Variants in STPG2 observed in about 807,000 individuals in gnomAD.
STPG2 encodes sperm-tail PG-rich repeat-containing protein 2.
A neutral mutation model predicts 54.2 loss-of-function variants in STPG2; 56 were observed. That is an observed-to-expected ratio of 1.03 (90% confidence interval 0.83 to 1.29). The LOEUF (loss-of-function observed/expected upper bound fraction) is 1.29, where lower values mean the gene tolerates loss of function less well. Ranked by LOEUF, STPG2 falls within the 50% of genes most tolerant of loss-of-function variation. The probability of loss-of-function intolerance (pLI) is 0.00; values close to 1 mark genes in which losing one functional copy is unlikely to be tolerated. For missense variants in STPG2, 596 were observed against 544.9 expected, an observed-to-expected ratio of 1.09 and a Z score of -0.93; for synonymous variants, 200 against 181.8, an observed-to-expected ratio of 1.10 and a Z score of -0.81.
At chr4:97,702,181 C>A (rs1314491577) in intron 10 of STPG2, among the ~76,000 whole-genome samples, 1 of 152,132 alleles carries the variant, frequency 6.6e-6, no homozygotes, top group Non-Finnish European at 1.5e-5. Flanking sequence ...TACAGTGGGC[C>A]ATCTTTTAAT....
intron 10 of STPG2, among the ~76,000 whole-genome samples, chr4:97,641,752 T>C (rs545679469): frequency 6.6e-6 from 1 of 151,558 alleles, no homozygotes; most frequent in South Asian, 2.1e-4. Flanking sequence ...AGGAAATTCA[T>C]TGATGTCTTT....
At chr4:97,771,188 TA>T (rs1726206110) in intron 9 of STPG2, among the ~76,000 whole-genome samples, 1 of 152,096 alleles carries the variant, frequency 6.6e-6, no homozygotes, top group East Asian at 1.9e-4. Flanking sequence ...AACAAGGTAA[TA>T]AAATAAGGCA....
rs1406042916 is a variant in STPG2, at chr4:97,953,706, T to C, written c.934-9699A>G. On this transcript the variant is annotated intron_variant, in intron 7 of 10. Coordinates refer to ENST00000295268, the MANE Select transcript of STPG2 (RefSeq NM_174952.3). Reference sequence around the variant, plus strand: ...GTTAAGGTGTTCCCCCATGGGCAGATTGCCAGGTTCCCCAGTTGGGGTGTG... The same window carrying C: ...GTTAAGGTGTTCCCCCATGGGCAGACTGCCAGGTTCCCCAGTTGGGGTGTG... Among the ~76,000 whole-genome samples, 11 of 152,324 alleles carry C rather than the reference T, an allele frequency of 7.2e-5. 1 individual carries two copies. In the South Asian group the frequency reaches 1.2e-3, roughly 17 times the overall value.
intron 6 of STPG2, among the ~76,000 whole-genome samples, chr4:97,978,590 T>G (rs1045222855): frequency 1.3e-5 from 2 of 152,078 alleles, no homozygotes; most frequent in Non-Finnish European, 2.9e-5. Context: ...TGAAACAGCC[T>G]GTACAAGAAA....
At chr4:98,070,673 T>C (rs1737975986) in intron 5 of STPG2, among the ~76,000 whole-genome samples, 1 of 152,046 alleles carries the variant, frequency 6.6e-6, no homozygotes, top group African/African-American at 2.4e-5. Flanking sequence ...AGTCTCAGGA[T>C]ACAAAATCAA....
At chr4:97,711,795 G>A (rs753297800) in intron 10 of STPG2, among the ~76,000 whole-genome samples, 7 of 149,554 alleles carry the variant, frequency 4.7e-5, no homozygotes, top group Non-Finnish European at 7.4e-5. Context: ...CCAGCCTCCC[G>A]AGTAGCTGGG....
chr4:97,447,870 A>G (rs992694643), intron 4 of STPG2, among the ~76,000 whole-genome samples: 2 of 152,140 alleles, frequency 1.3e-5, no homozygotes, highest in African/African-American at 4.8e-5. Flanking sequence ...GTGAGAAGAA[A>G]GCCACCCTTA....
intron 5 of STPG2, among the ~76,000 whole-genome samples, chr4:98,027,857 A>G (rs948217581): frequency 1.3e-5 from 2 of 152,138 alleles, no homozygotes; most frequent in Non-Finnish European, 2.9e-5. Flanking sequence ...TTAGAATTCC[A>G]GAGTCTCAAT....
chr4:97,645,414 A>G (rs569094701), intron 10 of STPG2, among the ~76,000 whole-genome samples: 1 of 152,266 alleles, frequency 6.6e-6, no homozygotes, highest in Admixed American at 6.5e-5. Context: ...AGTTCATAAA[A>G]TAGTATCAAG....
intron 1 of STPG2, among the ~76,000 whole-genome samples, chr4:98,139,197 C>T (rs1229361517): frequency 6.6e-6 from 1 of 152,224 alleles, no homozygotes; most frequent in South Asian, 2.1e-4. Flanking sequence ...AGGAGAGATT[C>T]TCCCTGATCA....
chr4:97,842,369 T>C (rs1482508833), intron 8 of STPG2, among the ~76,000 whole-genome samples: 1 of 151,896 alleles, frequency 6.6e-6, no homozygotes, highest in African/African-American at 2.4e-5. Flanking sequence ...CATGGATTAT[T>C]TGTGTATCTT....
intron 5 of STPG2, among the ~76,000 whole-genome samples, chr4:98,069,908 G>T (rs1345882752): frequency 6.6e-6 from 1 of 151,954 alleles, no homozygotes; most frequent in Non-Finnish European, 1.5e-5. Context: ...CTGGAAGTAA[G>T]GATGGGCAGG....
chr4:97,770,961 C>T (rs1398280400), intron 9 of STPG2, among the ~76,000 whole-genome samples: 1 of 152,062 alleles, frequency 6.6e-6, no homozygotes, highest in Non-Finnish European at 1.5e-5. Flanking sequence ...GTTTAATAGG[C>T]ACTTAGATAT....
rs1227707214 is a variant in STPG2, at chr4:97,763,191, A to C, written c.1205-50377T>G. 3.9e-5 allele frequency among the ~76,000 whole-genome samples: 6 copies of C among 152,274 alleles called. No individual in the cohort carries two copies. In the East Asian group the frequency reaches 9.6e-4, roughly 24 times the overall value. On this transcript the variant is annotated intron_variant, in intron 9 of 10. Transcript: ENST00000295268. ...GCATAATACAGGAATATTTTTTGGA[A>C]TGGTCATGAGGATTAGCCATGATCA...
intron 2 of STPG2, among the ~76,000 whole-genome samples, chr4:98,132,901 G>A (rs1000689587): frequency 3.0e-5 from 4 of 132,818 alleles, no homozygotes; most frequent in African/African-American, 1.1e-4. Flanking sequence ...TAAAGCTGTA[G>A]AGCAAGAATA....
At chr4:97,590,342 G>A (rs1733105164) in intron 10 of STPG2, among the ~76,000 whole-genome samples, 1 of 151,804 alleles carries the variant, frequency 6.6e-6, no homozygotes, top group Non-Finnish European at 1.5e-5. Context: ...TCTGTGTCTC[G>A]GTCAGCAGCA....
intron 8 of STPG2, among the ~76,000 whole-genome samples, chr4:97,910,985 C>T (rs1316971298): frequency 1.3e-5 from 2 of 152,170 alleles, no homozygotes; most frequent in African/African-American, 4.8e-5. Context: ...ACGCAATCGG[C>T]GTGACCCATG....
intron 10 of STPG2, among the ~76,000 whole-genome samples, chr4:97,560,538 A>G (rs1290339467): frequency 6.6e-6 from 1 of 152,214 alleles, no homozygotes; most frequent in African/African-American, 2.4e-5. Context: ...CAATGAAAAC[A>G]TGTTCCTCTT....
intron 8 of STPG2, among the ~76,000 whole-genome samples, chr4:97,928,582 G>A (rs1055581746): frequency 7.2e-5 from 11 of 152,066 alleles, no homozygotes; most frequent in African/African-American, 2.7e-4. Flanking sequence ...TCCATTCTAA[G>A]AAATAATTCC....
Sources: gnomAD v4.1 joint callset for allele counts (sites outside exome capture counted in the v4.1 genomes callset) on GRCh38, gnomAD v4.1.1 for gene constraint, MANE v1.5 for transcripts, NCBI Gene and HGNC (gene_info 2026-07-23, HGNC 2026-07-21) for gene names.